The following HCN1 variants were observed in gnomAD, a reference collection of about 807,000 sequenced individuals.
The protein encoded by HCN1 is potassium/sodium hyperpolarization-activated cyclic nucleotide-gated channel 1.
HCN1 carries 13 observed loss-of-function variants against 78.9 expected under a neutral mutation model. That is an observed-to-expected ratio of 0.16 (90% confidence interval 0.11 to 0.26). The LOEUF is 0.26. HCN1 is among the 10% of genes least tolerant of loss of function. The pLI, the probability that HCN1 is intolerant of heterozygous loss-of-function variation, is 1.00. For synonymous variants in HCN1, 552 were observed against 455.5 expected, an observed-to-expected ratio of 1.21 and a Z score of -2.70; for missense variants, 810 against 1,154.3, an observed-to-expected ratio of 0.70 and a Z score of 4.32.
At chr5:45,622,235 G>T (rs966942789) in intron 2 of HCN1, among the ~76,000 whole-genome samples, 7 of 151,736 alleles carry the variant, frequency 4.6e-5, no homozygotes, top group Non-Finnish European at 5.9e-5. Flanking sequence ...ATTTTAAATG[G>T]ATCTAAACTT....
At chr5:45,562,748 C>T (rs1427173785) in intron 2 of HCN1, among the ~76,000 whole-genome samples, 7 of 152,174 alleles carry the variant, frequency 4.6e-5, no homozygotes, top group African/African-American at 1.2e-4. Flanking sequence ...TCTTTCTACA[C>T]GTCACTCAGA....
At chr5:45,674,216 T>C (rs964369275) in intron 1 of HCN1, among the ~76,000 whole-genome samples, 5 of 151,374 alleles carry the variant, frequency 3.3e-5, no homozygotes, top group African/African-American at 1.2e-4. Context: ...ATTAGCTCTT[T>C]GGGATAAATA....
At chr5:45,485,955 C>A (rs1432448665) in intron 2 of HCN1, among the ~76,000 whole-genome samples, 2 of 152,106 alleles carry the variant, frequency 1.3e-5, no homozygotes, top group Admixed American at 6.6e-5. Flanking sequence ...CAAGTAGCTA[C>A]CATATGAGTG....
intron 4 of HCN1, among the ~76,000 whole-genome samples, chr5:45,355,846 G>A (rs1175272290): frequency 6.6e-6 from 1 of 151,916 alleles, no homozygotes; most frequent in African/African-American, 2.4e-5. Flanking sequence ...TTTCACAGGG[G>A]GTGTGGTCAA....
intron 1 of HCN1, among the ~76,000 whole-genome samples, chr5:45,666,110 G>C: frequency 6.6e-6 from 1 of 152,000 alleles, no homozygotes; most frequent in Non-Finnish European, 1.5e-5. Context: ...TACTCTTTCT[G>C]CTGAACTTGT....
intron 6 of HCN1, among the ~76,000 whole-genome samples, chr5:45,281,029 T>C (rs1745151875): frequency 6.7e-6 from 1 of 150,294 alleles, no homozygotes; most frequent in African/African-American, 2.5e-5. Flanking sequence ...AAAAAAAAAA[T>C]ACAGAAAAAT....
intron 3 of HCN1, among the ~76,000 whole-genome samples, chr5:45,415,821 A>AG: frequency 6.6e-6 from 1 of 152,054 alleles, no homozygotes; most frequent in Non-Finnish European, 1.5e-5. Flanking sequence ...ACCATGTCCT[A>AG]AACATCTTTG....
intron 3 of HCN1, among the ~76,000 whole-genome samples, chr5:45,445,276 C>T (rs1740765981): frequency 6.6e-6 from 1 of 152,190 alleles, no homozygotes; most frequent in Non-Finnish European, 1.5e-5. Flanking sequence ...GGTAGTCTCA[C>T]TGATTGCTAG....
chr5:45,452,377 A>G (rs1740938158), intron 3 of HCN1, among the ~76,000 whole-genome samples: 1 of 150,320 alleles, frequency 6.7e-6, no homozygotes, highest in Non-Finnish European at 1.5e-5. Flanking sequence ...TTTGCTATAC[A>G]GGAAAATTGC....
rs1301374295 is a variant in HCN1 at position 45,527,032 on chromosome 5, TTC to T, written c.850-65027_850-65026del. Among the ~76,000 whole-genome samples, 5 of 136,422 alleles carry T rather than the reference TTC, an allele frequency of 3.7e-5. 1 individual carries two copies. In the East Asian group the frequency reaches 1.2e-3, roughly 32 times the overall value. 89.5% of individuals were successfully genotyped at this position (136,422 alleles called of 152,430 possible). On this transcript the variant is annotated intron_variant, in intron 2 of 7. Transcript: ENST00000303230. ...CTTCCTTCTCTGCCCATCATTCTCA[TTC>T]TCTCTCTCTTTTCTCCCTCTTTCTC...
chr5:45,476,369 A>G (rs1450834878), intron 2 of HCN1, among the ~76,000 whole-genome samples: 1 of 152,134 alleles, frequency 6.6e-6, no homozygotes, highest in Non-Finnish European at 1.5e-5. Flanking sequence ...CACCCAGTCC[A>G]TGATACAGCC....
intron 2 of HCN1, among the ~76,000 whole-genome samples, chr5:45,624,507 G>A (rs1379577561): frequency 1.3e-5 from 2 of 152,180 alleles, no homozygotes; most frequent in Non-Finnish European, 1.5e-5. Flanking sequence ...AGAATGAGCA[G>A]AGGAAAAGAG....
At chr5:45,311,215 T>C (rs1579800047) in intron 5 of HCN1, among the ~76,000 whole-genome samples, 4 of 152,160 alleles carry the variant, frequency 2.6e-5, no homozygotes. Context: ...GAAATATATA[T>C]TCATTTATTA....
intron 1 of HCN1, among the ~76,000 whole-genome samples, chr5:45,655,055 T>G (rs946060618): frequency 1.3e-5 from 2 of 152,140 alleles, no homozygotes; most frequent in East Asian, 3.9e-4. Flanking sequence ...GGATTATTGT[T>G]CCAGTTTGCA....
intron 2 of HCN1, among the ~76,000 whole-genome samples, chr5:45,556,195 T>C (rs1743465648): frequency 6.6e-6 from 1 of 151,794 alleles, no homozygotes; most frequent in African/African-American, 2.4e-5. Flanking sequence ...AACCAGAGCA[T>C]AAATGGACAA....
intron 3 of HCN1, among the ~76,000 whole-genome samples, chr5:45,421,482 C>T (rs1412392159): frequency 3.3e-5 from 5 of 151,520 alleles, no homozygotes; most frequent in Non-Finnish European, 5.9e-5. Flanking sequence ...AATATGTCAA[C>T]AAAATAATGA....
chr5:45,266,217 T>A (rs1579765768), intron 7 of HCN1, among the ~76,000 whole-genome samples: 2 of 152,192 alleles, frequency 1.3e-5, no homozygotes, highest in East Asian at 3.8e-4. Flanking sequence ...TATATTTTTT[T>A]ATTTGGTAGC....
intron 5 of HCN1, among the ~76,000 whole-genome samples, chr5:45,343,409 A>G (rs372262590): frequency 2.0e-5 from 3 of 152,224 alleles, no homozygotes; most frequent in African/African-American, 7.2e-5. Flanking sequence ...GAACAGTGAA[A>G]ATAGTCTATG....
chr5:45,636,730 G>A (rs1189645143), intron 2 of HCN1, among the ~76,000 whole-genome samples: 1 of 152,052 alleles, frequency 6.6e-6, no homozygotes, highest in Admixed American at 6.6e-5. Flanking sequence ...GCATGCACCT[G>A]TAATCCCAAT....
Sources: gnomAD v4.1 joint callset for allele counts (sites outside exome capture counted in the v4.1 genomes callset) on GRCh38, gnomAD v4.1.1 for gene constraint, MANE v1.5 for transcripts, NCBI Gene and HGNC (gene_info 2026-07-23, HGNC 2026-07-21) for gene names.